NRXN3: variants seen among roughly 807,000 people sequenced by gnomAD.
NRXN3 encodes neurexin III.
A neutral mutation model predicts 137.6 loss-of-function variants in NRXN3; 32 were observed. That is an observed-to-expected ratio of 0.23 (90% CI 0.18 to 0.31). The LOEUF is 0.31. Ranked by LOEUF, NRXN3 falls within the 10% of genes least tolerant of loss-of-function variation. The pLI, the probability that NRXN3 is intolerant of heterozygous loss-of-function variation, is 1.00. For missense variants in NRXN3, 1,574 were observed against 2,062.5 expected (o/e 0.76, Z 4.59); for synonymous variants, 798 against 784.5 (o/e 1.02, Z -0.29).
At chr14:79,224,883 C>A (rs1411017454) in intron 15 of NRXN3, among the ~76,000 whole-genome samples, 2 of 152,158 alleles carry the variant, frequency 1.3e-5, no homozygotes, top group African/African-American at 4.8e-5. Flanking sequence ...AAGACTATGG[C>A]CATGCTCACA....
At chr14:78,453,669 G>A (rs759433797) in intron 4 of NRXN3, among the ~76,000 whole-genome samples, 10 of 152,126 alleles carry the variant, frequency 6.6e-5, no homozygotes, top group Non-Finnish European at 8.8e-5. Flanking sequence ...GACCTTATTT[G>A]GGTCTTTGTA....
At chr14:79,039,880 T>C (rs2099622287) in intron 15 of NRXN3, among the ~76,000 whole-genome samples, 3 of 152,152 alleles carry the variant, frequency 2.0e-5, no homozygotes, top group Non-Finnish European at 4.4e-5. Flanking sequence ...GTGTGTGTAC[T>C]TTTTGTAGAG....
rs148681462 is a variant in NRXN3 at position 79,604,263 on chromosome 14, T to C, written c.3445-59515T>C. The stretch of plus-strand genomic sequence containing the variant: ...TTTGTTTGTTTGTTTGAGATGGAGT[T>C]TCACTCTGTCACCGAGGCTGGAGTG... On this transcript the variant is annotated intron_variant, in intron 16 of 20. Transcript: ENST00000335750. Among the ~76,000 whole-genome samples, 26 of 151,666 alleles carry C rather than the reference T, an allele frequency of 1.7e-4. No individual in the cohort carries two copies. In the East Asian group the frequency reaches 3.5e-3, roughly 21 times the overall value.
At position 79,861,341 on chromosome 14, in the gene NRXN3, GATA is replaced by G; in HGVS notation, c.4095_4097del (p.Asp1365_Lys1366delinsGlu). 6.5e-7 allele frequency: 1 copy of G among 1,536,124 alleles called. No homozygotes were observed. The highest frequency in any genetic ancestry group is 8.7e-7 in the Non-Finnish European group (1 of 1,146,908). ...TTACACCACCTTCTCCTTGGTAACA[GATA>G]AGAGTCTTTCCACTTCAATCTTCGA... is the stretch of plus-strand genomic sequence containing the variant. On this transcript the variant is annotated inframe_deletion and splice_region_variant, in exon 21 of 21. Coordinates refer to ENST00000335750, the MANE Select transcript of NRXN3 (RefSeq NM_001330195.2). The surrounding 1 kb of genome is among the most constrained non-coding windows in gnomAD (Gnocchi z 5.4).
chr14:79,302,413 A>T (rs899665822), intron 15 of NRXN3, among the ~76,000 whole-genome samples: 1 of 152,002 alleles, frequency 6.6e-6, no homozygotes, highest in Non-Finnish European at 1.5e-5. Context: ...TCATGGTGGA[A>T]GGTAAAGAAA....
intron 10 of NRXN3, among the ~76,000 whole-genome samples, chr14:78,844,930 C>T (rs1043430906): frequency 6.6e-6 from 1 of 151,796 alleles, no homozygotes; most frequent in Non-Finnish European, 1.5e-5. Context: ...AATATTTCCT[C>T]TGTCTGCTTT....
chr14:79,640,597 T>TTTG lies in NRXN3; in HGVS notation c.3445-23181_3445-23180insTTG, dbSNP rs1183111538. 1.5e-5 allele frequency among the ~76,000 whole-genome samples: 2 copies of TTTG among 135,758 alleles called. 1 individual carries two copies. Among genetic ancestry groups the TTTG allele is most frequent in the East Asian group, 3.9e-4 (2 of 5,124 alleles). 89.1% of individuals were successfully genotyped at this position (135,758 alleles called of 152,430 possible). A position where few individuals can be genotyped will look rare whatever the true frequency, so the allele number is the denominator to read the frequency against. ...CTTTGCAAAGTCCTTTATGCAGTAC[T>TTTG]CAAAGTATGTCCATGCCATTTAGCT... is the stretch of plus-strand genomic sequence containing the variant. On this transcript the variant is annotated intron_variant, in intron 16 of 20. Transcript: ENST00000335750.
At chr14:78,891,612 A>G (rs2099159273) in intron 10 of NRXN3, among the ~76,000 whole-genome samples, 2 of 151,990 alleles carry the variant, frequency 1.3e-5, no homozygotes, top group South Asian at 4.1e-4. Context: ...TTCACCACAA[A>G]TGAACACAGA....
intron 8 of NRXN3, among the ~76,000 whole-genome samples, chr14:78,769,265 A>G (rs1358416117): frequency 1.3e-5 from 2 of 152,254 alleles, no homozygotes; most frequent in South Asian, 2.1e-4. Context: ...TTATATCACA[A>G]TATCACAGGC....
At chr14:79,223,393 A>G (rs1272770486) in intron 15 of NRXN3, among the ~76,000 whole-genome samples, 1 of 152,106 alleles carries the variant, frequency 6.6e-6, no homozygotes, top group Non-Finnish European at 1.5e-5. Flanking sequence ...CCTGCTAGGC[A>G]TTTCTAACTT....
chr14:78,583,838 C>G (rs1600840565), intron 4 of NRXN3, among the ~76,000 whole-genome samples: 1 of 152,102 alleles, frequency 6.6e-6, no homozygotes, highest in African/African-American at 2.4e-5. Context: ...GGGTTTTAGC[C>G]TCTGTGGGCC....
intron 15 of NRXN3, among the ~76,000 whole-genome samples, chr14:79,409,972 A>G (rs903739128): frequency 2.0e-5 from 3 of 151,888 alleles, no homozygotes; most frequent in Non-Finnish European, 2.9e-5. Context: ...GGTAAAAGGA[A>G]TAAATTATAT....
chr14:79,408,449 A>G (rs2095354896), intron 15 of NRXN3, among the ~76,000 whole-genome samples: 1 of 152,096 alleles, frequency 6.6e-6, no homozygotes. Context: ...ACTGCTTGCA[A>G]TTTATGTAAT....
chr14:78,622,694 A>T (rs966646142), intron 4 of NRXN3, among the ~76,000 whole-genome samples: 1 of 152,244 alleles, frequency 6.6e-6, no homozygotes, highest in African/African-American at 2.4e-5. Context: ...TTGGGCACGC[A>T]GTAGGAGAAG....
At chr14:79,654,881 T>C (rs2098497951) in intron 16 of NRXN3, among the ~76,000 whole-genome samples, 1 of 152,190 alleles carries the variant, frequency 6.6e-6, no homozygotes, top group African/African-American at 2.4e-5. Context: ...AATGCTAATA[T>C]AGCCTGTCAT....
chr14:78,186,419 G>A (rs536481092), intron 1 of NRXN3, among the ~76,000 whole-genome samples: 13 of 152,362 alleles, frequency 8.5e-5, no homozygotes, highest in Admixed American at 2.0e-4. Flanking sequence ...TCTTTTTGCA[G>A]CGTGTACATG....
chr14:79,030,570 A>G (rs1172371810), intron 15 of NRXN3, among the ~76,000 whole-genome samples: 1 of 140,380 alleles, frequency 7.1e-6, no homozygotes, highest in African/African-American at 2.7e-5. Flanking sequence ...CTTTCAAAAG[A>G]CTCTTAGTGA....
intron 15 of NRXN3, among the ~76,000 whole-genome samples, chr14:79,129,003 T>C (rs2057013903): frequency 6.6e-6 from 1 of 152,230 alleles, no homozygotes; most frequent in Non-Finnish European, 1.5e-5. Flanking sequence ...AGTTTGTATT[T>C]CTGTGGGATC....
chr14:79,373,474 A>G (rs946103865), intron 15 of NRXN3, among the ~76,000 whole-genome samples: 2 of 152,208 alleles, frequency 1.3e-5, no homozygotes, highest in African/African-American at 4.8e-5. Flanking sequence ...GCAATAAAAG[A>G]TTCCGGAAAG....
Sources: gnomAD v4.1 joint callset for allele counts (sites outside exome capture counted in the v4.1 genomes callset) on GRCh38, gnomAD v4.1.1 for gene constraint, Gnocchi (gnomAD v3.1) non-coding constraint, MANE v1.5 for transcripts, NCBI Gene and HGNC (gene_info 2026-07-23, HGNC 2026-07-21) for gene names.